Variants in ASMTL observed in about 807,000 individuals in gnomAD.
The protein encoded by ASMTL is acetylserotonin O-methyltransferase like, also known as probable bifunctional dTTP/UTP pyrophosphatase/methyltransferase protein.
In ASMTL, 57 loss-of-function variants were observed where a neutral mutation model predicts 60.3. That is an observed-to-expected ratio of 0.95 (90% CI 0.76 to 1.18). The LOEUF (loss-of-function observed/expected upper bound fraction) is 1.18, where lower values mean the gene tolerates loss of function less well. ASMTL is among the 50% of genes most tolerant of loss of function. The probability of loss-of-function intolerance (pLI) is 0.00; values close to 1 mark genes in which losing one functional copy is unlikely to be tolerated. For missense variants in ASMTL, 981 were observed against 852.6 expected (o/e 1.15, Z -1.88); for synonymous variants, 419 against 373.0 (o/e 1.12, Z -1.42).
At chrX:1,442,373 A>G (rs2091127857) in intron 1 of ASMTL, 56 bp from the exon 2 acceptor site, 3 of 1,602,186 alleles carry the variant, frequency 1.9e-6, no homozygotes, top group Admixed American at 1.7e-5. Flanking sequence ...TGAAAAGTGA[A>G]TGGGACATGC....
chrX:1,422,080 C>T (rs1180046352), intron 8 of ASMTL, among the ~76,000 whole-genome samples: 4 of 152,152 alleles, frequency 2.6e-5, no homozygotes, highest in African/African-American at 9.7e-5. Flanking sequence ...ACAGCAGCCA[C>T]CACGCCCCAG....
At chrX:1,407,480 T>C (rs371702910) in intron 12 of ASMTL, among the ~76,000 whole-genome samples, 6 of 151,358 alleles carry the variant, frequency 4.0e-5, no homozygotes, top group African/African-American at 1.5e-4. Context: ...GATGGATAGA[T>C]GGATGCATGG....
chrX:1,440,386 G>A (rs1163522932), intron 2 of ASMTL, among the ~76,000 whole-genome samples: 9 of 151,636 alleles, frequency 5.9e-5, no homozygotes, highest in South Asian at 4.2e-4. Flanking sequence ...CACTGCACCC[G>A]GCCCCGAATG....
intron 12 of ASMTL, among the ~76,000 whole-genome samples, chrX:1,405,947 T>C (rs1162606463): frequency 2.0e-5 from 3 of 149,294 alleles, no homozygotes; most frequent in Non-Finnish European, 4.5e-5. Flanking sequence ...GATGAATGGA[T>C]GAGTAGATGG....
At chrX:1,411,570 C>T (rs1268807560) in intron 12 of ASMTL, among the ~76,000 whole-genome samples, 8 of 147,476 alleles carry the variant, frequency 5.4e-5, no homozygotes, top group African/African-American at 7.6e-5. Context: ...CGAGATGGTG[C>T]GTGCTGTGTG....
chrX:1,452,610 G>T, intron 1 of ASMTL, 138 bp downstream of exon 1: 2 of 680,340 alleles, frequency 2.9e-6, no homozygotes, highest in South Asian at 2.0e-5. Flanking sequence ...GAGGTCCCGG[G>T]ACACTCTCCC....
At chrX:1,453,479 G>C (rs1487937602), upstream of ASMTL, 3 of 158,126 alleles carry the variant, frequency 1.9e-5, no homozygotes, top group African/African-American at 7.2e-5. Context: ...ACCTGCAATG[G>C]CGCAGGCAGC....
chrX:1,442,448 A>G (rs1247790703), intron 1 of ASMTL, 131 bp from the exon 2 acceptor site: 1 of 1,049,674 alleles, frequency 9.5e-7, no homozygotes, highest in Non-Finnish European at 1.4e-6. Flanking sequence ...GAGCTCATCC[A>G]TCCGCCAAGC....
In ASMTL at chrX:1,418,918, CA is replaced by C. The variant is rs2090392868; in HGVS notation, c.1378+63del. ...AAAGGCAGTTGGTAGGTGTCCTGAGCAGGGAAGATACCTGTGGCTTAATAAA... is the reference window on the plus strand; with the variant it reads ...AAAGGCAGTTGGTAGGTGTCCTGAGCGGGAAGATACCTGTGGCTTAATAAA... On this transcript the variant is annotated intron_variant, in intron 10 of 12. Coordinates refer to ENST00000381317, the MANE Select transcript of ASMTL (RefSeq NM_004192.4). 1.9e-6 allele frequency: 3 copies of C among 1,602,346 alleles called. No homozygotes were observed. The Admixed American group carries it at 5.0e-5, about 27-fold the overall frequency.
chrX:1,439,149 A>G lies in ASMTL; in HGVS notation c.226-5T>C, dbSNP rs765037426. ...GTCGGGGGCCCGCAGGTCTTTCTGT[A>G]AGAAAACCAGATTCCGGTTTACCGG... On this transcript the variant is annotated splice_polypyrimidine_tract_variant and splice_region_variant and intron_variant, in intron 2 of 12. Coordinates refer to ENST00000381317, the MANE Select transcript of ASMTL (RefSeq NM_004192.4). The G allele has an allele frequency of 6.2e-7, 1 of 1,613,894 alleles. No individual in the cohort carries two copies. The highest frequency in any genetic ancestry group is 8.5e-7 in the Non-Finnish European group (1 of 1,179,846).
rs1403012339 is a variant in ASMTL at position 1,403,377 on chromosome X, G to C, written c.1758C>G (p.Ser586Arg). 2.5e-6 allele frequency: 4 copies of C among 1,613,476 alleles called. No homozygotes were observed. The South Asian group carries it at 3.3e-5, about 13-fold the overall frequency. ...MLVQTEGKER[S>R]LGEYQCLLEL... ...CCAGCAAGCACTGATACTCGCCCAG[G>C]CTCCGCTCCTTGCCTTCAGTCTGCA... is the stretch of plus-strand genomic sequence containing the variant. The change falls in exon 13 of 13, where the codon AGC (serine) becomes AGG (arginine). Residue 586 changes from serine (S) to arginine (R), a missense_variant. Physicochemically the swap from Ser to Arg is moderately radical, Grantham distance 110. Coordinates refer to ENST00000381317, the MANE Select transcript of ASMTL (RefSeq NM_004192.4).
chrX:1,406,848 GATAGATGGGTGCATGGA>G, intron 12 of ASMTL, among the ~76,000 whole-genome samples: 1 of 151,788 alleles, frequency 6.6e-6, no homozygotes, highest in Middle Eastern at 3.2e-3. Context: ...TGAATGGATG[GATAGATGGGTGCATGGA>G]ACAGATGGAT....
chrX:1,418,110 G>T lies in ASMTL; in HGVS notation c.1385C>A (p.Thr462Lys). Residue 462 changes from threonine to lysine, a missense_variant, in exon 11 of 13, where the codon ACG becomes AAG. By Grantham distance (78) the Thr-to-Lys change is moderately conservative (BLOSUM62 -1). Coordinates refer to ENST00000381317, the MANE Select transcript of ASMTL (RefSeq NM_004192.4). Reference protein sequence around the residue: ...FSSACDVGGCTGALARELARE... With the variant: ...FSSACDVGGCKGALARELARE... ...GGCCAGCTCTCGGGCCAGTGCACCC[G>T]TGCAGCCTGCGGGGAAGCAAATGCA... 1 of 1,600,566 alleles carries T rather than the reference G, an allele frequency of 6.2e-7. No homozygotes were observed. Among genetic ancestry groups the T allele is most frequent in the Non-Finnish European group, 8.5e-7 (1 of 1,171,394 alleles).
intron 8 of ASMTL, among the ~76,000 whole-genome samples, chrX:1,423,726 A>G (rs2149306162): frequency 6.6e-6 from 1 of 150,972 alleles, no homozygotes; most frequent in South Asian, 2.1e-4. Context: ...CCATCCAGCA[A>G]TCCACTGATA....
intron 11 of ASMTL, among the ~76,000 whole-genome samples, chrX:1,414,457 C>T (rs2090160584): frequency 6.6e-6 from 1 of 152,148 alleles, no homozygotes; most frequent in Admixed American, 6.5e-5. Context: ...GGTGTAATCC[C>T]AGCACTTTGG....
intron 5 of ASMTL, among the ~76,000 whole-genome samples, chrX:1,433,546 G>T (rs2090872895): frequency 6.6e-6 from 1 of 151,454 alleles, no homozygotes; most frequent in African/African-American, 2.4e-5. Context: ...GCCGGGCGTG[G>T]TGGCGGGCCC....
upstream of ASMTL, among the ~76,000 whole-genome samples, chrX:1,453,260 ACCT>A (rs1407098382): frequency 1.4e-4 from 14 of 99,452 alleles, no homozygotes. Context: ...CCCAGGCCAC[ACCT>A]CCTTGCCCTC....
chrX:1,418,098 G>C lies in ASMTL; in HGVS notation c.1397C>G (p.Ala466Gly), dbSNP rs763465871. 3.7e-6 allele frequency: 6 copies of C among 1,610,150 alleles called. No homozygotes were observed. In the African/African-American group the frequency reaches 5.3e-5, roughly 14 times the overall value. Reference protein sequence around the residue: ...CDVGGCTGALARELAREYPRM... With the variant: ...CDVGGCTGALGRELAREYPRM... The stretch of plus-strand genomic sequence containing the variant: ...AGGGTACTCACGGGCCAGCTCTCGG[G>C]CCAGTGCACCCGTGCAGCCTGCGGG... The change falls in exon 11 of 13, where the codon GCC (alanine) becomes GGC (glycine). Residue 466 changes from alanine to glycine, a missense_variant. By Grantham distance (60) the Ala-to-Gly change is moderately conservative. Transcript: ENST00000381317.
intron 1 of ASMTL, among the ~76,000 whole-genome samples, chrX:1,452,217 G>T (rs1253181186): frequency 6.8e-6 from 1 of 147,518 alleles, no homozygotes; most frequent in Non-Finnish European, 1.5e-5. Flanking sequence ...CATGCCTGGG[G>T]GTCCCGGGTT....
Sources: allele counts gnomAD v4.1 joint callset (sites outside exome capture counted in the v4.1 genomes callset), GRCh38; gene constraint gnomAD v4.1.1; transcripts MANE v1.5; gene names NCBI Gene and HGNC (gene_info 2026-07-23, HGNC 2026-07-21).